RIMKLB: variants seen among roughly 807,000 people sequenced by gnomAD.
RIMKLB encodes ribosomal modification protein rimK like family member B, also known as beta-citrylglutamate synthase B.
Under a neutral mutation model 32.0 loss-of-function variants are expected in RIMKLB, and 7 were observed. That is an observed-to-expected ratio of 0.22 (90% CI 0.12 to 0.41). RIMKLB has a LOEUF of 0.41. Among genes scored for constraint, RIMKLB ranks in the 10% least tolerant of loss-of-function variants. The probability of loss-of-function intolerance (pLI) is 1.00; values close to 1 mark genes in which losing one functional copy is unlikely to be tolerated. For missense variants in RIMKLB, 289 were observed against 498.7 expected (o/e 0.58, Z 4.00); for synonymous variants, 172 against 185.1 (o/e 0.93, Z 0.57).
At chr12:8,726,957 G>A (rs1285784222) in intron 2 of RIMKLB, among the ~76,000 whole-genome samples, 2 of 151,424 alleles carry the variant, frequency 1.3e-5, no homozygotes, top group Admixed American at 1.3e-4. Flanking sequence ...TCCTTTCTTG[G>A]CATTTCATTT....
intron 1 of RIMKLB, among the ~76,000 whole-genome samples, chr12:8,684,759 T>A (rs746840261): frequency 2.0e-4 from 31 of 152,282 alleles, no homozygotes; most frequent in Admixed American, 1.4e-3. Context: ...TAGCTGGGAC[T>A]ACACGTGCAT....
chr12:8,751,905 A>T (rs1159504910), intron 3 of RIMKLB, 52 bp from the exon 4 acceptor site: 1 of 1,187,374 alleles, frequency 8.4e-7, no homozygotes, highest in Admixed American at 1.7e-5. Context: ...AAAATTGATC[A>T]CAAAATACTT....
chr12:8,712,184 G>A (rs1271167643), intron 1 of RIMKLB, among the ~76,000 whole-genome samples: 2 of 151,972 alleles, frequency 1.3e-5, no homozygotes, highest in Non-Finnish European at 2.9e-5. Flanking sequence ...TCTTTTTTGT[G>A]CGCGTGAGAC....
chr12:8,689,952 T>G (rs1004400661), intron 1 of RIMKLB, among the ~76,000 whole-genome samples: 20 of 152,158 alleles, frequency 1.3e-4, no homozygotes, highest in Admixed American at 1.2e-3. Context: ...ATTTCTCTAG[T>G]GACATCACTC....
At chr12:8,762,622 T>C (rs1949624118) in intron 5 of RIMKLB, among the ~76,000 whole-genome samples, 1 of 152,248 alleles carries the variant, frequency 6.6e-6, no homozygotes, top group Non-Finnish European at 1.5e-5. Flanking sequence ...TCTCTCCATA[T>C]TGCTGCGTGG....
At chr12:8,725,221 C>G (rs978667374) in intron 2 of RIMKLB, among the ~76,000 whole-genome samples, 5 of 151,930 alleles carry the variant, frequency 3.3e-5, no homozygotes, top group African/African-American at 9.7e-5. Flanking sequence ...CATGTGTAGA[C>G]TGTGTGCTAG....
At chr12:8,708,292 T>C (rs967054510) in intron 1 of RIMKLB, among the ~76,000 whole-genome samples, 3 of 152,202 alleles carry the variant, frequency 2.0e-5, no homozygotes, top group Non-Finnish European at 4.4e-5. Flanking sequence ...GATGGTAGAT[T>C]GTGATTTTTT....
intron 1 of RIMKLB, among the ~76,000 whole-genome samples, chr12:8,682,086 C>T (rs1225844987): frequency 1.3e-5 from 2 of 151,916 alleles, no homozygotes; most frequent in Non-Finnish European, 2.9e-5. Context: ...GAAAAAAACT[C>T]GCACATCTGG....
chr12:8,782,628 A>G (rs1565444510), intron 7 of RIMKLB, among the ~76,000 whole-genome samples: 1 of 152,170 alleles, frequency 6.6e-6, no homozygotes, highest in Non-Finnish European at 1.5e-5. Context: ...TAAATTTGGG[A>G]AATAAGGTTG....
intron 2 of RIMKLB, among the ~76,000 whole-genome samples, chr12:8,738,892 C>T (rs1947251133): frequency 6.6e-6 from 1 of 152,164 alleles, no homozygotes; most frequent in Admixed American, 6.5e-5. Flanking sequence ...TCCATCAGAA[C>T]ATTTAAGAGA....
chr12:8,722,227 A>AC (rs1288957652), intron 2 of RIMKLB, among the ~76,000 whole-genome samples: 1 of 150,516 alleles, frequency 6.6e-6, no homozygotes, highest in Non-Finnish European at 1.5e-5. Context: ...AGCTAAAAAA[A>AC]AAAAAAATTA....
intron 2 of RIMKLB, among the ~76,000 whole-genome samples, chr12:8,730,304 T>C (rs966778342): frequency 6.6e-6 from 1 of 152,210 alleles, no homozygotes; most frequent in Non-Finnish European, 1.5e-5. Context: ...TTGCCCAAGC[T>C]GGTTTTGAAT....
At chr12:8,681,157 A>G (rs1053781862), upstream of RIMKLB, among the ~76,000 whole-genome samples, 1 of 151,964 alleles carries the variant, frequency 6.6e-6, no homozygotes, top group African/African-American at 2.4e-5. Context: ...TCACCATAGC[A>G]TAGGGACACC....
intron 2 of RIMKLB, among the ~76,000 whole-genome samples, chr12:8,743,354 C>CAAAAAA (rs60066068): frequency 4.3e-4 from 28 of 65,184 alleles, no homozygotes; most frequent in African/African-American, 1.3e-3. Context: ...GAGTCTGTCT[C>CAAAAAA]AAAAAAAAAA....
intron 1 of RIMKLB, among the ~76,000 whole-genome samples, chr12:8,703,187 G>A (rs1444258185): frequency 6.6e-6 from 1 of 152,160 alleles, no homozygotes; most frequent in Non-Finnish European, 1.5e-5. Flanking sequence ...TCGGGAGGCT[G>A]AGGCAGGAGA....
intron 2 of RIMKLB, among the ~76,000 whole-genome samples, chr12:8,723,010 G>A (rs1405222103): frequency 6.6e-6 from 1 of 152,202 alleles, no homozygotes; most frequent in Non-Finnish European, 1.5e-5. Context: ...CAATAAGGCT[G>A]CTTTGCTTTC....
At chr12:8,723,816 T>TG (rs1945713602) in intron 2 of RIMKLB, among the ~76,000 whole-genome samples, 2 of 139,948 alleles carry the variant, frequency 1.4e-5, no homozygotes, top group African/African-American at 5.3e-5. Context: ...TTTTTTTTTT[T>TG]TTTTTTTTTT....
At chr12:8,689,761 T>A (rs141061926) in intron 1 of RIMKLB, among the ~76,000 whole-genome samples, 1 of 151,972 alleles carries the variant, frequency 6.6e-6, no homozygotes, top group African/African-American at 2.4e-5. Flanking sequence ...GATGCGGAGG[T>A]GGGGAATGAG....
intron 2 of RIMKLB, among the ~76,000 whole-genome samples, chr12:8,722,426 A>G (rs1945543786): frequency 6.6e-6 from 1 of 152,096 alleles, no homozygotes; most frequent in African/African-American, 2.4e-5. Context: ...TATTTAGTAA[A>G]CCATACTGCA....
Sources: gnomAD v4.1 joint callset for allele counts (sites outside exome capture counted in the v4.1 genomes callset) on GRCh38, gnomAD v4.1.1 for gene constraint, MANE v1.5 for transcripts, NCBI Gene and HGNC (gene_info 2026-07-23, HGNC 2026-07-21) for gene names.